The following DLC1 variants were observed in gnomAD, a reference collection of about 807,000 sequenced individuals.
DLC1 encodes the protein DLC1 Rho GTPase activating protein.
DLC1 carries 54 observed loss-of-function variants against 140.3 expected under a neutral mutation model. The observed-to-expected ratio is 0.38, with a 90% CI of 0.31 to 0.48. The LOEUF (loss-of-function observed/expected upper bound fraction) is 0.48, where lower values mean the gene tolerates loss of function less well. DLC1 is among the 20% of genes least tolerant of loss of function. The pLI, the probability that DLC1 is intolerant of heterozygous loss-of-function variation, is 0.96. For synonymous variants in DLC1, 986 were observed against 728.1 expected, an observed-to-expected ratio of 1.35 and a Z score of -5.70; for missense variants, 2,536 against 1,907.0, an observed-to-expected ratio of 1.33 and a Z score of -6.14.
intron 4 of DLC1, among the ~76,000 whole-genome samples, chr8:13,374,762 A>T (rs1835891238): frequency 6.6e-6 from 1 of 152,174 alleles, no homozygotes; most frequent in Admixed American, 6.5e-5. Flanking sequence ...AGTCTGGGTG[A>T]CAGAGAGAGA....
chr8:13,373,293 C>T (rs1280230331), intron 4 of DLC1, among the ~76,000 whole-genome samples: 1 of 152,180 alleles, frequency 6.6e-6, no homozygotes, highest in Non-Finnish European at 1.5e-5. Context: ...CAAAAGTGTG[C>T]TGTGGGCTTT....
At chr8:13,297,663 A>C (rs964616841) in intron 5 of DLC1, among the ~76,000 whole-genome samples, 1 of 152,184 alleles carries the variant, frequency 6.6e-6, no homozygotes, top group Non-Finnish European at 1.5e-5. Flanking sequence ...TCAGATCCAT[A>C]CTAAAATGAA....
chr8:13,202,092 C>T (rs769071731), intron 5 of DLC1, among the ~76,000 whole-genome samples: 79 of 151,802 alleles, frequency 5.2e-4, no homozygotes, highest in Non-Finnish European at 1.0e-3. Flanking sequence ...ACTACCAGTG[C>T]GCGCCAAAAC....
intron 1 of DLC1, among the ~76,000 whole-genome samples, chr8:13,537,998 G>A (rs1563427368): frequency 6.6e-6 from 1 of 152,090 alleles, no homozygotes; most frequent in Non-Finnish European, 1.5e-5. Context: ...CACGCTTTGG[G>A]CTAAGCAAAT....
At position 13,530,700 on chromosome 8, in the gene DLC1, T is replaced by C. The variant is rs115964926; in HGVS notation, c.-125-30504A>G. 5.6e-3 allele frequency among the ~76,000 whole-genome samples: 851 copies of C among 152,296 alleles called. 8 individuals carry two copies. Among genetic ancestry groups the C allele is most frequent in the African/African-American group, 0.019 (804 of 41,570 alleles). On this transcript the variant is annotated intron_variant, in intron 1 of 1. Transcript: ENST00000631382. ...GTATAGTAAATCAGATGACATATTG[T>C]TCCAATTTTACATTAGTACTCATAT...
At chr8:13,293,697 C>T (rs1200720907) in intron 5 of DLC1, among the ~76,000 whole-genome samples, 1 of 152,062 alleles carries the variant, frequency 6.6e-6, no homozygotes, top group African/African-American at 2.4e-5. Context: ...CATGAAATGC[C>T]ATAATAAATA....
chr8:13,532,158 A>G (rs1803119897), intron 1 of DLC1, among the ~76,000 whole-genome samples: 1 of 152,136 alleles, frequency 6.6e-6, no homozygotes, highest in African/African-American at 2.4e-5. Context: ...TAATTCCAAG[A>G]CTTTGGGAGC....
intron 7 of DLC1, among the ~76,000 whole-genome samples, chr8:13,103,839 C>CAAAAAAAAAAAAAA (rs1002564334): frequency 3.3e-5 from 2 of 60,790 alleles, no homozygotes; most frequent in African/African-American, 1.0e-4. Flanking sequence ...GACTCCATCT[C>CAAAAAAAAAAAAAA]AAAAAAAAAA....
rs958494737 is a variant in DLC1 at position 13,109,497 on chromosome 8, C to A, written c.1502+1245G>T. Among the ~76,000 whole-genome samples, 9 of 152,014 alleles carry A rather than the reference C, an allele frequency of 5.9e-5. No individual in the cohort carries two copies. The South Asian group carries it at 1.9e-3, about 32-fold the overall frequency. On this transcript the variant is annotated intron_variant, in intron 7 of 17. Transcript: ENST00000276297. ...ACCTGTAGCTGGGAGGTCAAGGCTGCAGTGAACCATGATTGTGCCACTGCA... is the reference window on the plus strand; with the variant it reads ...ACCTGTAGCTGGGAGGTCAAGGCTGAAGTGAACCATGATTGTGCCACTGCA...
chr8:13,442,178 C>G, intron 2 of DLC1, among the ~76,000 whole-genome samples: 1 of 152,332 alleles, frequency 6.6e-6, no homozygotes, highest in South Asian at 2.1e-4. Context: ...TAGATCCTTT[C>G]CTTACACCTT....
intron 4 of DLC1, among the ~76,000 whole-genome samples, chr8:13,335,079 G>A (rs188658299): frequency 4.3e-4 from 66 of 152,262 alleles, no homozygotes; most frequent in Middle Eastern, 3.4e-3. Context: ...GGTCCAAGCT[G>A]CAGGTATACA....
chr8:13,156,452 C>G (rs556199642), intron 5 of DLC1, among the ~76,000 whole-genome samples: 1 of 152,304 alleles, frequency 6.6e-6, no homozygotes, highest in East Asian at 1.9e-4. Flanking sequence ...TTACATTGTT[C>G]TGTTGTGTGA....
chr8:13,436,279 G>C (rs1221568115), intron 2 of DLC1, among the ~76,000 whole-genome samples: 1 of 152,094 alleles, frequency 6.6e-6, no homozygotes, highest in Admixed American at 6.6e-5. Context: ...GCTGTGTAGA[G>C]ATAAATTGGT....
At chr8:13,158,641 C>A (rs1259568868) in intron 5 of DLC1, among the ~76,000 whole-genome samples, 1 of 151,756 alleles carries the variant, frequency 6.6e-6, no homozygotes, top group African/African-American at 2.4e-5. Flanking sequence ...AGATACTTCC[C>A]TCCAGATCTA....
At chr8:13,413,214 A>C (rs968354702) in intron 2 of DLC1, among the ~76,000 whole-genome samples, 1 of 144,936 alleles carries the variant, frequency 6.9e-6, no homozygotes, top group African/African-American at 2.5e-5. Context: ...GGCCCAACAC[A>C]AATTCGTAAA....
chr8:13,506,581 G>GTATATATATATATATATA (rs36209609), intron 1 of DLC1, among the ~76,000 whole-genome samples: 5 of 131,124 alleles, frequency 3.8e-5, no homozygotes, highest in African/African-American at 1.6e-4. Flanking sequence ...GTGTGTGTGT[G>GTATATATATATATATATA]TATATATATA....
chr8:13,387,288 C>A (rs866923021), intron 4 of DLC1, among the ~76,000 whole-genome samples: 1 of 152,114 alleles, frequency 6.6e-6, no homozygotes, highest in South Asian at 2.1e-4. Flanking sequence ...AAAGACAGTA[C>A]TTTATCCTTC....
At chr8:13,180,459 A>C (rs1474470677) in intron 5 of DLC1, among the ~76,000 whole-genome samples, 2 of 152,208 alleles carry the variant, frequency 1.3e-5, no homozygotes, top group African/African-American at 4.8e-5. Context: ...GTGAAAAATC[A>C]AAAGGTTAGT....
chr8:13,153,138 T>C (rs1823960974), intron 5 of DLC1, among the ~76,000 whole-genome samples: 3 of 152,260 alleles, frequency 2.0e-5, no homozygotes, highest in African/African-American at 7.2e-5. Flanking sequence ...GCGCAGTGAG[T>C]GTTACAGATC....
Sources: allele counts gnomAD v4.1 joint callset (sites outside exome capture counted in the v4.1 genomes callset), GRCh38; gene constraint gnomAD v4.1.1; transcripts MANE v1.5; gene names NCBI Gene and HGNC (gene_info 2026-07-23, HGNC 2026-07-21).